Variants in GPR143 observed in about 807,000 individuals in gnomAD.
The protein encoded by GPR143 is G protein-coupled receptor 143, also known as G-protein coupled receptor 143.
GPR143 carries 8 observed loss-of-function variants against 27.6 expected under a neutral mutation model. The ratio of observed to expected loss-of-function variants is 0.29; its 90% CI spans 0.17 to 0.52. The LOEUF (loss-of-function observed/expected upper bound fraction) is 0.52, where lower values mean the gene tolerates loss of function less well. GPR143 is among the 20% of genes least tolerant of loss of function. The pLI, the probability that GPR143 is intolerant of heterozygous loss-of-function variation, is 0.96. For missense variants in GPR143, 303 were observed against 343.1 expected (o/e 0.88, Z 0.92); for synonymous variants, 156 against 153.2 (o/e 1.02, Z -0.13).
chrX:9,746,303 T>C (rs1254709286), intron 4 of GPR143, 150 bp from the exon 5 acceptor site: 1 of 494,708 alleles, frequency 2.0e-6, no homozygotes, highest in East Asian at 3.7e-5. Context: ...GTGAGTCATT[T>C]CTCATGTCTG....
At chrX:9,751,302 T>C (rs753784860) in intron 3 of GPR143, among the ~76,000 whole-genome samples, 4 of 112,198 alleles carry the variant, frequency 3.6e-5, no homozygotes, top group Non-Finnish European at 7.5e-5. Flanking sequence ...CTGTCTTCAC[T>C]TTGAGGACAA....
At chrX:9,758,583 C>T (rs2083482427) in intron 3 of GPR143, among the ~76,000 whole-genome samples, 1 of 112,009 alleles carries the variant, frequency 8.9e-6, no homozygotes, top group Non-Finnish European at 1.9e-5. Flanking sequence ...ATCCTTTGAA[C>T]CTTTAAATAT....
rs1324973839 is a variant in GPR143 at position 9,761,381 on chromosome X, G to A, written c.251-555C>T. ...AGTGGGATGACAGGCGTGAGCCACC[G>A]CGCCTGGCCTGAAACTCAGAAAATA... On this transcript the variant is annotated intron_variant, in intron 1 of 8. Coordinates refer to ENST00000467482, the MANE Select transcript of GPR143 (RefSeq NM_000273.3). Among the ~76,000 whole-genome samples, 4 of 112,583 alleles carry A rather than the reference G, an allele frequency of 3.6e-5. No individual in the cohort carries two copies. The East Asian group carries it at 8.4e-4, about 24-fold the overall frequency.
chrX:9,765,908 G>A, upstream of GPR143: 4 of 887,423 alleles, frequency 4.5e-6, no homozygotes, highest in Non-Finnish European at 5.7e-6. Flanking sequence ...GGCATCATGT[G>A]CCCTGGGCCT....
intron 3 of GPR143, among the ~76,000 whole-genome samples, chrX:9,755,886 G>A (rs1192444854): frequency 8.9e-6 from 1 of 111,743 alleles, no homozygotes; most frequent in Non-Finnish European, 1.9e-5. Context: ...ACACCTAATT[G>A]GCTGGCTCTG....
chrX:9,726,400 C>T (rs2083327818), intron 8 of GPR143, among the ~76,000 whole-genome samples: 2 of 111,525 alleles, frequency 1.8e-5, no homozygotes, highest in East Asian at 5.6e-4. Context: ...AGTAGCTCCT[C>T]CCTGTCAGCA....
intron 1 of GPR143, 126 bp downstream of exon 1, chrX:9,765,442 G>T: frequency 1.5e-6 from 1 of 689,606 alleles, no homozygotes; most frequent in Non-Finnish European, 1.9e-6. Context: ...ACTCCATCAC[G>T]GAACAGGTCC....
chrX:9,773,285 T>A (rs1467334177), intron 1 of GPR143, among the ~76,000 whole-genome samples: 1 of 111,838 alleles, frequency 8.9e-6, no homozygotes, highest in East Asian at 2.8e-4. Context: ...CTTATCCTAT[T>A]TGGTGATATT....
At chrX:9,778,361 C>T (rs1446476812) in intron 1 of GPR143, among the ~76,000 whole-genome samples, 2 of 111,551 alleles carry the variant, frequency 1.8e-5, no homozygotes, top group Non-Finnish European at 3.8e-5. Flanking sequence ...CAAGAACACT[C>T]GCTCCCACGT....
upstream of GPR143, among the ~76,000 whole-genome samples, chrX:9,767,252 GAAA>G (rs200312661): frequency 9.3e-6 from 1 of 107,806 alleles, no homozygotes; most frequent in East Asian, 2.9e-4. Context: ...AAAAAGAAAA[GAAA>G]AAAAAATCCA....
chrX:9,777,805 A>AG (rs1555917721), intron 1 of GPR143, among the ~76,000 whole-genome samples: 33 of 105,964 alleles, frequency 3.1e-4, no homozygotes, highest in African/African-American at 3.4e-4. Context: ...AAAAAAAAAA[A>AG]GGGGGCCAGG....
intron 8 of GPR143, among the ~76,000 whole-genome samples, chrX:9,728,229 C>T (rs2083337018): frequency 9.0e-6 from 1 of 110,571 alleles, no homozygotes; most frequent in Non-Finnish European, 1.9e-5. Flanking sequence ...AGAGGGTGCC[C>T]AATAAACATG....
intron 8 of GPR143, among the ~76,000 whole-genome samples, chrX:9,730,174 C>A (rs981590936): frequency 9.8e-5 from 11 of 112,077 alleles, no homozygotes; most frequent in African/African-American, 3.6e-4. Context: ...ACATGCATTT[C>A]TCAGAATGTA....
chrX:9,757,450 G>A (rs1189080530), intron 3 of GPR143, among the ~76,000 whole-genome samples: 2 of 112,395 alleles, frequency 1.8e-5, no homozygotes, highest in African/African-American at 3.2e-5. Flanking sequence ...GTGACAACAC[G>A]GATAAACCGT....
intron 1 of GPR143, 73 bp downstream of exon 1, chrX:9,765,495 C>A: frequency 1.0e-6 from 1 of 983,402 alleles, no homozygotes; most frequent in Non-Finnish European, 1.3e-6. Context: ...CCAGTCGGGT[C>A]TCAACCTGCG....
chrX:9,739,407 G>T, intron 8 of GPR143, 78 bp downstream of exon 8: 1 of 698,800 alleles, frequency 1.4e-6, no homozygotes, highest in Non-Finnish European at 2.2e-6. Context: ...CAGCCCCCGG[G>T]ACAAAGAATC....
chrX:9,769,639 T>C (rs1411896496), upstream of GPR143, among the ~76,000 whole-genome samples: 1 of 111,899 alleles, frequency 8.9e-6, no homozygotes, highest in Non-Finnish European at 1.9e-5. Context: ...TGGAGTGCAG[T>C]GGTGCGATCT....
intron 1 of GPR143, among the ~76,000 whole-genome samples, chrX:9,763,671 G>C (rs2083513684): frequency 9.0e-6 from 1 of 110,880 alleles, no homozygotes; most frequent in Non-Finnish European, 1.9e-5. Flanking sequence ...GGGATTCACT[G>C]TAAGTGTTTC....
At chrX:9,749,523 G>A (rs2083443083) in intron 3 of GPR143, among the ~76,000 whole-genome samples, 1 of 111,802 alleles carries the variant, frequency 8.9e-6, no homozygotes, top group South Asian at 3.8e-4. Flanking sequence ...TCATGTAAAT[G>A]GAAATATATG....
Sources: allele counts gnomAD v4.1 joint callset (sites outside exome capture counted in the v4.1 genomes callset), GRCh38; gene constraint gnomAD v4.1.1; transcripts MANE v1.5; gene names NCBI Gene and HGNC (gene_info 2026-07-23, HGNC 2026-07-21).